SMYD3: variants seen among roughly 807,000 people sequenced by gnomAD.
The protein encoded by SMYD3 is histone-lysine N-methyltransferase SMYD3.
In SMYD3, 36 loss-of-function variants were observed where a neutral mutation model predicts 57.7. That is an observed-to-expected ratio of 0.62 (90% confidence interval 0.48 to 0.82). The LOEUF (loss-of-function observed/expected upper bound fraction) is 0.82. Among genes scored for constraint, SMYD3 ranks in the 40% least tolerant of loss-of-function variants. The pLI is 0.00. For synonymous variants in SMYD3, 211 were observed against 195.0 expected (o/e 1.08, Z -0.68); for missense variants, 515 against 538.8 (o/e 0.96, Z 0.44).
At chr1:246,334,719 A>C (rs1470235265) in intron 3 of SMYD3, among the ~76,000 whole-genome samples, 1 of 152,188 alleles carries the variant, frequency 6.6e-6, no homozygotes, top group Non-Finnish European at 1.5e-5. Flanking sequence ...TCTAAAATAA[A>C]AGCAAAACTT....
At chr1:245,863,152 G>A (rs1341639256) in intron 9 of SMYD3, among the ~76,000 whole-genome samples, 1 of 152,098 alleles carries the variant, frequency 6.6e-6, no homozygotes, top group African/African-American at 2.4e-5. Flanking sequence ...CTTCATCACA[G>A]CTTCACTCCA....
intron 1 of SMYD3, among the ~76,000 whole-genome samples, chr1:246,415,029 T>C (rs2067038274): frequency 6.6e-6 from 1 of 152,216 alleles, no homozygotes; most frequent in Non-Finnish European, 1.5e-5. Flanking sequence ...AGCCAGGTTT[T>C]TGACATCCAC....
chr1:245,778,920 GA>G (rs1333946665), intron 10 of SMYD3, among the ~76,000 whole-genome samples: 4 of 152,158 alleles, frequency 2.6e-5, no homozygotes, highest in African/African-American at 9.7e-5. Flanking sequence ...AGCACTTTGG[GA>G]GGCCGAGGCG....
Position 246,203,567 on chromosome 1 carries a change from C to T in SMYD3, c.531+123634G>A, listed in dbSNP as rs138778597. On this transcript the variant is annotated intron_variant, in intron 5 of 11. Transcript: ENST00000490107. This position sits in a 1 kb window ranked among gnomAD's most constrained non-coding sequence, Gnocchi z 4.6. ...GCCTCCTGACACGGCAGTCCCTCTG[C>T]GCACATGTGCTGTTGGTGTCTCTTC... 7.6e-4 allele frequency among the ~76,000 whole-genome samples: 115 copies of T among 152,310 alleles called. No homozygotes were observed. Among genetic ancestry groups the T allele is most frequent in the Non-Finnish European group, 1.4e-3 (94 of 68,022 alleles).
At chr1:246,343,268 A>G (rs1572400878) in intron 2 of SMYD3, among the ~76,000 whole-genome samples, 1 of 152,250 alleles carries the variant, frequency 6.6e-6, no homozygotes. Context: ...AAAAGCATCT[A>G]TCCTAGATTA....
At chr1:246,307,603 T>C (rs1414150017) in intron 5 of SMYD3, among the ~76,000 whole-genome samples, 4 of 151,702 alleles carry the variant, frequency 2.6e-5, no homozygotes, top group African/African-American at 7.3e-5. Flanking sequence ...GTATTTTTAG[T>C]AGAGACGGGG....
chr1:245,866,534 C>G (rs1196890249), intron 8 of SMYD3, among the ~76,000 whole-genome samples: 1 of 152,066 alleles, frequency 6.6e-6, no homozygotes, highest in African/African-American at 2.4e-5. Context: ...GAGTTTGAGA[C>G]CAGCCTGGCC....
At chr1:245,925,279 G>A (rs930027572) in intron 7 of SMYD3, among the ~76,000 whole-genome samples, 4 of 152,148 alleles carry the variant, frequency 2.6e-5, no homozygotes, top group African/African-American at 9.7e-5. Context: ...CATACGATGT[G>A]TAATGATCAA....
At chr1:246,131,051 G>T (rs1558255368) in intron 5 of SMYD3, among the ~76,000 whole-genome samples, 1 of 152,072 alleles carries the variant, frequency 6.6e-6, no homozygotes, top group Non-Finnish European at 1.5e-5. Flanking sequence ...CCTTCCTTGT[G>T]TGGCTTCCTC....
chr1:246,238,939 A>G (rs559603253), intron 5 of SMYD3, among the ~76,000 whole-genome samples: 1 of 146,210 alleles, frequency 6.8e-6, no homozygotes, highest in South Asian at 2.2e-4. Context: ...CTTCAGTGCA[A>G]TTTACTGGAG....
At chr1:246,369,190 T>A (rs1290970938) in intron 1 of SMYD3, among the ~76,000 whole-genome samples, 1 of 152,232 alleles carries the variant, frequency 6.6e-6, no homozygotes, top group African/African-American at 2.4e-5. Context: ...TTACTCATTA[T>A]CATCACAGTT....
chr1:245,837,542 A>G (rs1287750178), intron 10 of SMYD3, among the ~76,000 whole-genome samples: 2 of 152,298 alleles, frequency 1.3e-5, no homozygotes, highest in East Asian at 1.9e-4. Context: ...CGAGGGAAGA[A>G]GCACAGAAAA....
intron 5 of SMYD3, among the ~76,000 whole-genome samples, chr1:245,985,995 C>T (rs1404263446): frequency 6.6e-6 from 1 of 152,074 alleles, no homozygotes; most frequent in Non-Finnish European, 1.5e-5. Context: ...AAATAGGAGC[C>T]CTACTAAAAA....
At chr1:246,470,641 G>A (rs1035222398) in intron 1 of SMYD3, among the ~76,000 whole-genome samples, 2 of 145,014 alleles carry the variant, frequency 1.4e-5, no homozygotes, top group Admixed American at 1.4e-4. Context: ...TATATATAGT[G>A]TATGTATGTG....
At chr1:246,196,573 G>A (rs2062832889) in intron 5 of SMYD3, among the ~76,000 whole-genome samples, 1 of 152,098 alleles carries the variant, frequency 6.6e-6, no homozygotes, top group Non-Finnish European at 1.5e-5. Flanking sequence ...TTTTAGAAAT[G>A]TTCTTCTAAG....
chr1:246,327,156 A>T, intron 5 of SMYD3, 45 bp downstream of exon 5: 2 of 1,609,488 alleles, frequency 1.2e-6, no homozygotes, highest in African/African-American at 1.3e-5. Flanking sequence ...ATAAGGAGCA[A>T]ATGGTTGATG....
chr1:246,269,026 T>G (rs1271165919), intron 5 of SMYD3, among the ~76,000 whole-genome samples: 2 of 152,166 alleles, frequency 1.3e-5, no homozygotes, highest in African/African-American at 4.8e-5. Context: ...CAGTAAAGAA[T>G]AATAAGCACG....
At chr1:246,487,883 A>G (rs897714891) in intron 1 of SMYD3, among the ~76,000 whole-genome samples, 1 of 152,026 alleles carries the variant, frequency 6.6e-6, no homozygotes, top group African/African-American at 2.4e-5. Flanking sequence ...TAGTAGAGAC[A>G]GGGTTCCTCC....
chr1:246,322,593 C>T (rs1196633010), intron 5 of SMYD3, among the ~76,000 whole-genome samples: 1 of 152,156 alleles, frequency 6.6e-6, no homozygotes, highest in Non-Finnish European at 1.5e-5. Context: ...TGTATATCCC[C>T]GGTGCACTTC....
Sources: gnomAD v4.1 joint callset for allele counts (sites outside exome capture counted in the v4.1 genomes callset) on GRCh38, gnomAD v4.1.1 for gene constraint, Gnocchi (gnomAD v3.1) non-coding constraint, MANE v1.5 for transcripts, NCBI Gene and HGNC (gene_info 2026-07-23, HGNC 2026-07-21) for gene names.